The following ABCB4 variants were observed in gnomAD, a reference collection of about 807,000 sequenced individuals.
ABCB4 encodes the protein phosphatidylcholine translocator ABCB4.
ABCB4 carries 76 observed loss-of-function variants against 145.7 expected under a neutral mutation model. The observed-to-expected ratio is 0.52, with a 90% CI of 0.43 to 0.63. ABCB4 has a LOEUF of 0.63. Among genes scored for constraint, ABCB4 ranks in the 30% least tolerant of loss-of-function variants. ABCB4 has a pLI of 0.00. For missense variants in ABCB4, 1,234 were observed against 1,553.1 expected, an observed-to-expected ratio of 0.79 and a Z score of 3.45; for synonymous variants, 517 against 566.8, an observed-to-expected ratio of 0.91 and a Z score of 1.25.
the ABCB4 span, chr7:87,382,215 AT>A: frequency 6.5e-7 from 1 of 1,539,536 alleles, no homozygotes; most frequent in African/African-American, 1.4e-5. Flanking sequence ...AATAATAATG[AT>A]TTTTTCTTTT....
chr7:87,406,432 G>A lies in ABCB4; in HGVS notation c.3342C>T (p.Ile1114=), dbSNP rs1808198989. The change falls in exon 26 of 28, where the codon ATC becomes ATT. Residue 1114 remains isoleucine, a synonymous_variant. Transcript: ENST00000649586. The part of the protein sequence containing the change: ...NVQWLRAQLG[I]VSQEPILFDC... Reference sequence around the variant, plus strand: ...CAAATAGGATAGGCTCCTGAGACACGATTCCGAGTTGAGCTCTGAGCCACT... The same window carrying A: ...CAAATAGGATAGGCTCCTGAGACACAATTCCGAGTTGAGCTCTGAGCCACT... 5.0e-6 allele frequency: 8 copies of A among 1,614,002 alleles called. No individual in the cohort carries two copies. Among genetic ancestry groups the A allele is most frequent in the South Asian group, 3.3e-5 (3 of 91,058 alleles).
At chr7:87,430,919 A>C (rs192674431) in intron 15 of ABCB4, among the ~76,000 whole-genome samples, 20 of 152,244 alleles carry the variant, frequency 1.3e-4, no homozygotes, top group Non-Finnish European at 2.2e-4. Flanking sequence ...ACAATTTTAG[A>C]TCACATGAGA....
chr7:87,420,728 G>A (rs1809356662), intron 18 of ABCB4, among the ~76,000 whole-genome samples: 1 of 152,184 alleles, frequency 6.6e-6, no homozygotes. Context: ...TCAAATTCAT[G>A]TACTGCAAAA....
chr7:87,369,328 C>T, the ABCB4 span: 1 of 1,307,220 alleles, frequency 7.6e-7, no homozygotes, highest in Non-Finnish European at 1.1e-6. Flanking sequence ...ATCTTTACTC[C>T]TGTTTAACCT....
chr7:87,447,572 T>C (rs530062326), intron 8 of ABCB4, among the ~76,000 whole-genome samples: 9 of 152,322 alleles, frequency 5.9e-5, no homozygotes, highest in East Asian at 3.9e-4. Flanking sequence ...CAAACCAGAA[T>C]TGATTGTAAA....
At chr7:87,446,061 C>A (rs45493691) in intron 9 of ABCB4, among the ~76,000 whole-genome samples, 3,626 of 152,236 alleles carry the variant, frequency 0.024, 69 homozygotes, top group South Asian at 0.056. Context: ...GCTTCCAAAC[C>A]GACTGCCAGA....
At chr7:87,398,417 T>A, downstream of ABCB4, 1 of 1,368,732 alleles carries the variant, frequency 7.3e-7, no homozygotes, top group South Asian at 1.2e-5. Flanking sequence ...TCAGCAAGAC[T>A]TCACATTTCA....
rs1012725590 is a variant in ABCB4, at chr7:87,474,308, C to A, written c.80+1078G>T. Among the ~76,000 whole-genome samples, 4 of 152,184 alleles carry A rather than the reference C, an allele frequency of 2.6e-5. No individual in the cohort carries two copies. In the East Asian group the frequency reaches 5.8e-4, roughly 22 times the overall value. On this transcript the variant is annotated intron_variant, in intron 2 of 27. Coordinates refer to ENST00000649586, the MANE Select transcript of ABCB4 (RefSeq NM_000443.4). ...TGATGAAAACCATATTTTTCTATTG[C>A]GTGTGTAAGTACTTCCATTGGAAGT...
At chr7:87,461,903 T>A (rs1280422261) in intron 4 of ABCB4, among the ~76,000 whole-genome samples, 1 of 152,212 alleles carries the variant, frequency 6.6e-6, no homozygotes, top group Non-Finnish European at 1.5e-5. Flanking sequence ...TAGAGTAATT[T>A]TTCTTACATA....
At chr7:87,397,689 G>C (rs1286941784), downstream of ABCB4, among the ~76,000 whole-genome samples, 1 of 152,138 alleles carries the variant, frequency 6.6e-6, no homozygotes, top group African/African-American at 2.4e-5. Flanking sequence ...TTACTTTTCT[G>C]CAAATATAAT....
Position 87,417,324 on chromosome 7 carries a change from T to C in ABCB4, c.2670A>G (p.Glu890=). 6.2e-7 allele frequency: 1 copy of C among 1,614,074 alleles called. No homozygotes were observed. Reference sequence around the variant, plus strand: ...TTATTTGACCTACCTTTCCAGCAGCTTCCAGTTCTTTTTTATCTCTTTTGG... The same window carrying C: ...TTATTTGACCTACCTTTCCAGCAGCCTCCAGTTCTTTTTTATCTCTTTTGG... ...GNAKRDKKEL[E]AAGKIATEAI... The change falls in exon 21 of 28, where the codon GAA becomes GAG. Residue 890 remains glutamate, a synonymous_variant. Coordinates refer to ENST00000649586, the MANE Select transcript of ABCB4 (RefSeq NM_000443.4).
chr7:87,467,386 A>G (rs951107473), intron 3 of ABCB4, among the ~76,000 whole-genome samples: 1 of 152,246 alleles, frequency 6.6e-6, no homozygotes, highest in Non-Finnish European at 1.5e-5. Context: ...ATACAGGAGC[A>G]CCAAGATTCA....
intron 15 of ABCB4, among the ~76,000 whole-genome samples, chr7:87,430,649 A>G (rs1045607802): frequency 6.6e-6 from 1 of 151,896 alleles, no homozygotes; most frequent in Non-Finnish European, 1.5e-5. Flanking sequence ...CTCAGCCTCC[A>G]AAGTAGCTGG....
At chr7:87,371,335 G>A in the ABCB4 span, among the ~76,000 whole-genome samples, 1 of 152,162 alleles carries the variant, frequency 6.6e-6, no homozygotes, top group Non-Finnish European at 1.5e-5. Context: ...AACAATAAAT[G>A]TAATCTTTCC....
intron 3 of ABCB4, among the ~76,000 whole-genome samples, chr7:87,465,949 A>T (rs375127477): frequency 6.6e-6 from 1 of 152,206 alleles, no homozygotes; most frequent in South Asian, 2.1e-4. Flanking sequence ...AAGATGGGGA[A>T]AAAACAGAAC....
chr7:87,416,216 G>A lies in ABCB4; in HGVS notation c.2682+1096C>T, dbSNP rs146340967. Among the ~76,000 whole-genome samples the A allele has an allele frequency of 2.6e-5, 4 of 152,336 alleles. No homozygotes were observed. In the South Asian group the frequency reaches 6.2e-4, roughly 24 times the overall value. On this transcript the variant is annotated intron_variant, in intron 21 of 27. Coordinates refer to ENST00000649586, the MANE Select transcript of ABCB4 (RefSeq NM_000443.4). ...CAGCGGCAGCTGATGCTGATTACAA[G>A]AGGACAAGAAAGGATTTCACCAGAC...
the ABCB4 span, among the ~76,000 whole-genome samples, chr7:87,378,294 A>G: frequency 0.87 from 130,909 of 149,896 alleles, 57,339 homozygotes; most frequent in Middle Eastern, 0.94. Flanking sequence ...TGCAGTGAAC[A>G]GTGTTTGGGC....
intron 15 of ABCB4, among the ~76,000 whole-genome samples, chr7:87,428,658 A>G (rs1481453315): frequency 2.0e-5 from 3 of 152,226 alleles, no homozygotes; most frequent in Non-Finnish European, 4.4e-5. Flanking sequence ...TCACAAATCA[A>G]TGAGAATATC....
the ABCB4 span, among the ~76,000 whole-genome samples, chr7:87,395,593 G>A: frequency 2.6e-5 from 4 of 152,192 alleles, no homozygotes; most frequent in African/African-American, 9.7e-5. Context: ...AGCCTTGAAG[G>A]GAAAAGATAA....
Sources: allele counts gnomAD v4.1 joint callset (sites outside exome capture counted in the v4.1 genomes callset), GRCh38; gene constraint gnomAD v4.1.1; transcripts MANE v1.5; gene names NCBI Gene and HGNC (gene_info 2026-07-23, HGNC 2026-07-21).